Variants in VPS53 observed in about 807,000 individuals in gnomAD.
VPS53 encodes the protein vacuolar protein sorting-associated protein 53 homolog.
In VPS53, 70 loss-of-function variants were observed where a neutral mutation model predicts 107.0. The observed-to-expected ratio is 0.65, with a 90% CI of 0.54 to 0.80. The LOEUF (loss-of-function observed/expected upper bound fraction) is 0.80, where lower values mean the gene tolerates loss of function less well. Ranked by LOEUF, VPS53 falls within the 30% of genes least tolerant of loss-of-function variation. The pLI is 0.00. For missense variants in VPS53, 917 were observed against 1,049.4 expected, an observed-to-expected ratio of 0.87 and a Z score of 1.74; for synonymous variants, 409 against 393.3, an observed-to-expected ratio of 1.04 and a Z score of -0.47.
chr17:570,173 C>T (rs953525991), intron 13 of VPS53, among the ~76,000 whole-genome samples: 2 of 151,948 alleles, frequency 1.3e-5, no homozygotes, highest in East Asian at 3.9e-4. Context: ...TCAAGACCAT[C>T]CTGACCAACA....
intron 2 of VPS53, among the ~76,000 whole-genome samples, chr17:706,317 T>A (rs1973396513): frequency 1.3e-5 from 2 of 151,980 alleles, no homozygotes; most frequent in African/African-American, 4.8e-5. Context: ...GGTGGGCAGA[T>A]CACAAGGTCA....
chr17:601,671 A>G, intron 12 of VPS53, 124 bp downstream of exon 12: 3 of 676,004 alleles, frequency 4.4e-6, no homozygotes, highest in Non-Finnish European at 7.4e-6. Flanking sequence ...CCTTCTGTAA[A>G]GACCACAACA....
chr17:612,559 T>A (rs1424638144), intron 11 of VPS53, among the ~76,000 whole-genome samples: 5 of 145,728 alleles, frequency 3.4e-5, no homozygotes, highest in Non-Finnish European at 6.0e-5. Flanking sequence ...AGTGAAAACC[T>A]GTACAGATAC....
intron 12 of VPS53, among the ~76,000 whole-genome samples, chr17:598,019 T>C (rs1968069333): frequency 6.7e-6 from 1 of 148,278 alleles, no homozygotes; most frequent in Non-Finnish European, 1.5e-5. Flanking sequence ...CCTCTCATGC[T>C]GAGCCGAAGC....
chr17:592,435 G>T (rs1033684211), intron 12 of VPS53, among the ~76,000 whole-genome samples: 3 of 152,126 alleles, frequency 2.0e-5, no homozygotes, highest in African/African-American at 7.2e-5. Flanking sequence ...CTGTCATTAT[G>T]ATGTTAGCTG....
chr17:629,809 CCACACACACA>C (rs61004817), intron 8 of VPS53, among the ~76,000 whole-genome samples: 123 of 140,794 alleles, frequency 8.7e-4, no homozygotes, highest in African/African-American at 2.6e-3. Context: ...AAAAAAAAAA[CCACACACACA>C]CACACACACA....
chr17:548,910 C>T (rs2151833798), intron 17 of VPS53, among the ~76,000 whole-genome samples: 1 of 152,338 alleles, frequency 6.6e-6, no homozygotes, highest in African/African-American at 2.4e-5. Context: ...ACACCACTTC[C>T]TTACGAGGGC....
At chr17:548,458 TGGCCAGCC>T (rs1911461768) in intron 17 of VPS53, among the ~76,000 whole-genome samples, 1 of 148,714 alleles carries the variant, frequency 6.7e-6, no homozygotes, top group Non-Finnish European at 1.5e-5. Context: ...CACTCCACTT[TGGCCAGCC>T]AACAGTCCTT....
chr17:617,490 C>T (rs1374074833), intron 11 of VPS53, among the ~76,000 whole-genome samples: 1 of 152,240 alleles, frequency 6.6e-6, no homozygotes, highest in Non-Finnish European at 1.5e-5. Context: ...CAACCTCTGC[C>T]TTCTGGGCTA....
Position 683,286 on chromosome 17 carries a change from A to G in VPS53, c.285+14132T>C, listed in dbSNP as rs1002469579. On this transcript the variant is annotated intron_variant, in intron 4 of 21. Transcript: ENST00000437048. The stretch of plus-strand genomic sequence containing the variant: ...AAGGCATTAAACCACTGATCCAAGA[A>G]GTGCTGAGATCCCAAGAGGAATAAG... Among the ~76,000 whole-genome samples, 6 of 152,304 alleles carry G rather than the reference A, an allele frequency of 3.9e-5. No homozygotes were observed. The East Asian group carries it at 1.2e-3, about 29-fold the overall frequency.
At chr17:603,582 T>A (rs1968422399) in intron 11 of VPS53, among the ~76,000 whole-genome samples, 3 of 147,976 alleles carry the variant, frequency 2.0e-5, no homozygotes. Flanking sequence ...CCTCGGTGCA[T>A]GACAAAGCCT....
intron 11 of VPS53, among the ~76,000 whole-genome samples, chr17:616,855 T>C (rs995867131): frequency 5.3e-5 from 8 of 152,184 alleles, no homozygotes; most frequent in African/African-American, 1.9e-4. Flanking sequence ...TTTTGGCCTT[T>C]GGGGGATTTT....
rs967982514 is a variant in VPS53 at position 520,764 on chromosome 17, C to G, written c.2224-834G>C. On this transcript the variant is annotated intron_variant, in intron 20 of 21. Transcript: ENST00000437048. This position sits in a 1 kb window ranked among gnomAD's most constrained non-coding sequence, Gnocchi z 4.4. ...GCAGGGAAAGAACATGATGAGGCAG[C>G]TTCACCCTCACCTACATGAGCTCTT... Among the ~76,000 whole-genome samples, 1 of 147,794 alleles carries G rather than the reference C, an allele frequency of 6.8e-6. No individual in the cohort carries two copies. Among genetic ancestry groups the G allele is most frequent in the Non-Finnish European group, 1.5e-5 (1 of 65,568 alleles).
At chr17:650,165 C>T (rs1009896630) in intron 7 of VPS53, among the ~76,000 whole-genome samples, 1 of 152,148 alleles carries the variant, frequency 6.6e-6, no homozygotes, top group Non-Finnish European at 1.5e-5. Context: ...AGAATAATTT[C>T]TTAGAGTATG....
chr17:619,152 T>G (rs1597389916), intron 11 of VPS53, among the ~76,000 whole-genome samples: 1 of 145,354 alleles, frequency 6.9e-6, no homozygotes, highest in Middle Eastern at 3.9e-3. Flanking sequence ...TGCTAATATT[T>G]CCCAGGTAGC....
At chr17:611,847 T>C (rs1036722265) in intron 11 of VPS53, among the ~76,000 whole-genome samples, 1 of 152,012 alleles carries the variant, frequency 6.6e-6, no homozygotes, top group Non-Finnish European at 1.5e-5. Flanking sequence ...AGTGAAAACC[T>C]GTACAAATAT....
intron 11 of VPS53, among the ~76,000 whole-genome samples, chr17:606,777 G>C (rs1968603823): frequency 6.6e-6 from 1 of 152,076 alleles, no homozygotes; most frequent in Non-Finnish European, 1.5e-5. Flanking sequence ...AGAGGTCTAG[G>C]TTGCACACTC....
intron 12 of VPS53, among the ~76,000 whole-genome samples, chr17:589,236 T>A (rs1354537526): frequency 6.6e-6 from 1 of 152,040 alleles, no homozygotes; most frequent in Non-Finnish European, 1.5e-5. Context: ...TTTGAACATG[T>A]ATATTTTGTA....
At chr17:678,053 C>T (rs950897455) in intron 4 of VPS53, among the ~76,000 whole-genome samples, 2 of 151,480 alleles carry the variant, frequency 1.3e-5, no homozygotes, top group South Asian at 4.2e-4. Flanking sequence ...CCTGGGAGGT[C>T]GAGGCTGCAG....
Sources: gnomAD v4.1 joint callset for allele counts (sites outside exome capture counted in the v4.1 genomes callset) on GRCh38, gnomAD v4.1.1 for gene constraint, Gnocchi (gnomAD v3.1) non-coding constraint, MANE v1.5 for transcripts, NCBI Gene and HGNC (gene_info 2026-07-23, HGNC 2026-07-21) for gene names.